Variants in KIRREL3 observed in about 807,000 individuals in gnomAD.
The protein encoded by KIRREL3 is kin of IRRE-like protein 3.
KIRREL3 carries 36 observed loss-of-function variants against 89.7 expected under a neutral mutation model. That is an observed-to-expected ratio of 0.40 (90% CI 0.31 to 0.53). KIRREL3 has a LOEUF of 0.53. KIRREL3 is among the 20% of genes least tolerant of loss of function. The pLI, the probability that KIRREL3 is intolerant of heterozygous loss-of-function variation, is 0.49. For missense variants in KIRREL3, 864 were observed against 1,056.6 expected, an observed-to-expected ratio of 0.82 and a Z score of 2.53; for synonymous variants, 445 against 441.4, an observed-to-expected ratio of 1.01 and a Z score of -0.10.
At chr11:126,868,737 G>T (rs1201359201) in intron 1 of KIRREL3, among the ~76,000 whole-genome samples, 16 of 152,058 alleles carry the variant, frequency 1.1e-4, no homozygotes, top group Admixed American at 9.8e-4. Flanking sequence ...CTGGCAGTCT[G>T]CTTGGGGCTG....
rs1431346870 is a variant in KIRREL3 at position 126,485,524 on chromosome 11, T to C, written c.434-12058A>G. ...GATGATGTTAATGTCATAGATATTATAGTAGCTGTTGTACAGGGCTGGTGT... is the reference window on the plus strand; with the variant it reads ...GATGATGTTAATGTCATAGATATTACAGTAGCTGTTGTACAGGGCTGGTGT... On this transcript the variant is annotated intron_variant, in intron 4 of 16. Coordinates refer to ENST00000525144, the MANE Select transcript of KIRREL3 (RefSeq NM_032531.4). The surrounding 1 kb of genome is among the most constrained non-coding windows in gnomAD (Gnocchi z 5.8). Among the ~76,000 whole-genome samples, 1 of 152,248 alleles carries C rather than the reference T, an allele frequency of 6.6e-6. No homozygotes were observed. Among genetic ancestry groups the C allele is most frequent in the Admixed American group, 6.5e-5 (1 of 15,290 alleles).
rs1049009468 is a variant in KIRREL3 at position 126,425,521 on chromosome 11, C to T, written c.1893+117G>A. 6.5e-6 allele frequency: 6 copies of T among 922,922 alleles called. No individual in the cohort carries two copies. The African/African-American group carries it at 8.2e-5, about 13-fold the overall frequency. The allele number at this position is 922,922 out of a possible 1,614,324, so 57.2% of individuals were successfully genotyped here. A position where few individuals can be genotyped will look rare whatever the true frequency, so the allele number is the denominator to read the frequency against. On this transcript the variant is annotated intron_variant, in intron 16 of 16. Transcript: ENST00000525144. ...GGACGGGCACCTGCCACCAAGCTGG[C>T]CTCTGACCTTTTCTTCTCTGACTTG...
chr11:126,895,200 C>CA (rs1439899898), intron 1 of KIRREL3, among the ~76,000 whole-genome samples: 2 of 152,058 alleles, frequency 1.3e-5, no homozygotes, highest in African/African-American at 4.8e-5. Flanking sequence ...CAGTGGCTCA[C>CA]ACCTGTAACC....
chr11:126,746,682 T>A (rs1290191122), intron 1 of KIRREL3, among the ~76,000 whole-genome samples: 6 of 152,126 alleles, frequency 3.9e-5, no homozygotes, highest in Non-Finnish European at 8.8e-5. Flanking sequence ...ATCAGGTGTA[T>A]CTCTATGAAA....
At chr11:126,731,852 T>C (rs1158962499) in intron 1 of KIRREL3, among the ~76,000 whole-genome samples, 1 of 152,246 alleles carries the variant, frequency 6.6e-6, no homozygotes, top group East Asian at 1.9e-4. Context: ...CCCCAGCATA[T>C]GCTGGATCAA....
At position 126,476,714 on chromosome 11, in the gene KIRREL3, G is replaced by T. The variant is rs1245399595; in HGVS notation, c.434-3248C>A. 6.6e-6 allele frequency among the ~76,000 whole-genome samples: 1 copy of T among 152,124 alleles called. No individual in the cohort carries two copies. Among genetic ancestry groups the T allele is most frequent in the Non-Finnish European group, 1.5e-5 (1 of 68,016 alleles). On this transcript the variant is annotated intron_variant, in intron 4 of 16. Transcript: ENST00000525144. The surrounding 1 kb of genome is among the most constrained non-coding windows in gnomAD (Gnocchi z 6.4). ...ATGGAGGATGTTTGGGGGCCAGCAG[G>T]CTGAAGAGAAATCAGCAGTCGCTCT...
rs2135253650 is a variant in KIRREL3, at chr11:126,983,389, G to C, written c.55+17066C>G. Among the ~76,000 whole-genome samples the C allele has an allele frequency of 6.6e-6, 1 of 152,336 alleles. No individual in the cohort carries two copies. Among genetic ancestry groups the C allele is most frequent in the East Asian group, 1.9e-4 (1 of 5,184 alleles). ...CTGCCTTTGGTTCTTGCGGTAGACA[G>C]AATAATGGCCGCCAAAGATGCCCAT... On this transcript the variant is annotated intron_variant, in intron 1 of 16. Coordinates refer to ENST00000525144, the MANE Select transcript of KIRREL3 (RefSeq NM_032531.4). The surrounding 1 kb of genome is among the most constrained non-coding windows in gnomAD (Gnocchi z 4.9).
chr11:126,980,706 A>C (rs986260660), intron 1 of KIRREL3, among the ~76,000 whole-genome samples: 1 of 152,190 alleles, frequency 6.6e-6, no homozygotes, highest in Non-Finnish European at 1.5e-5. Context: ...GAGGCTGGTG[A>C]CTTGGCATCC....
At chr11:126,951,706 T>G (rs895607360) in intron 1 of KIRREL3, among the ~76,000 whole-genome samples, 5 of 152,236 alleles carry the variant, frequency 3.3e-5, no homozygotes, top group Non-Finnish European at 5.9e-5. Context: ...CGAAGACAGC[T>G]GTGGCAATCA....
rs1203766604 is a variant in KIRREL3 at position 126,576,271 on chromosome 11, A to T, written c.56-13359T>A. 6.6e-6 allele frequency among the ~76,000 whole-genome samples: 1 copy of T among 152,194 alleles called. No homozygotes were observed. The highest frequency in any genetic ancestry group is 1.5e-5 in the Non-Finnish European group (1 of 68,038). On this transcript the variant is annotated intron_variant, in intron 1 of 16. Transcript: ENST00000525144. The surrounding 1 kb of genome is among the most constrained non-coding windows in gnomAD (Gnocchi z 5.4). ...TTGTCCTTCCTTTTACAGAACTATA[A>T]GTCAGCCTCAGGTATGGGTCAGCTT...
intron 1 of KIRREL3, among the ~76,000 whole-genome samples, chr11:126,760,878 T>A (rs1190056129): frequency 6.6e-6 from 1 of 152,176 alleles, no homozygotes; most frequent in Non-Finnish European, 1.5e-5. Flanking sequence ...GAAAAACACT[T>A]TATAGGCTGG....
In KIRREL3 at chr11:126,666,291, C is replaced by G. The variant is rs1945660645; in HGVS notation, c.56-103379G>C. Among the ~76,000 whole-genome samples the G allele has an allele frequency of 6.6e-6, 1 of 152,210 alleles. No homozygotes were observed. Among genetic ancestry groups the G allele is most frequent in the Non-Finnish European group, 1.5e-5 (1 of 68,046 alleles). On this transcript the variant is annotated intron_variant, in intron 1 of 16. Transcript: ENST00000525144. The surrounding 1 kb of genome is among the most constrained non-coding windows in gnomAD (Gnocchi z 4.2). The stretch of plus-strand genomic sequence containing the variant: ...TAATGGACAGCCTTGGGTTTTACCT[C>G]CTGTCCAGGCACCCGTTCCTCTTTC...
Position 126,704,559 on chromosome 11 carries a change from T to A in KIRREL3, c.56-141647A>T, listed in dbSNP as rs566880173. Among the ~76,000 whole-genome samples the A allele has an allele frequency of 2.0e-5, 3 of 152,278 alleles. No homozygotes were observed. The South Asian group carries it at 6.2e-4, about 32-fold the overall frequency. ...GCTTTTTCTCTAAAAGGCTGCCCTA[T>A]TTGTGTTGTGTGTCCCTGTACACGT... On this transcript the variant is annotated intron_variant, in intron 1 of 16. Transcript: ENST00000525144. The surrounding 1 kb of genome is among the most constrained non-coding windows in gnomAD (Gnocchi z 4.2).
At chr11:126,667,091 A>T (rs947224379) in intron 1 of KIRREL3, among the ~76,000 whole-genome samples, 1 of 152,224 alleles carries the variant, frequency 6.6e-6, no homozygotes, top group Non-Finnish European at 1.5e-5. Flanking sequence ...AAAACAAAGG[A>T]AAAAAGCTCC....
rs1238324636 is a variant in KIRREL3, at chr11:126,931,216, T to A, written c.55+69239A>T. Among the ~76,000 whole-genome samples, 1 of 151,872 alleles carries A rather than the reference T, an allele frequency of 6.6e-6. No individual in the cohort carries two copies. Among genetic ancestry groups the A allele is most frequent in the African/African-American group, 2.4e-5 (1 of 41,418 alleles). The stretch of plus-strand genomic sequence containing the variant: ...GGAAAGTCCTGTTTCTTGGACACTG[T>A]TGTTTCTTGGACACTGTTGTTATCT... On this transcript the variant is annotated intron_variant, in intron 1 of 16. Transcript: ENST00000525144. This position sits in a 1 kb window ranked among gnomAD's most constrained non-coding sequence, Gnocchi z 5.1.
intron 1 of KIRREL3, among the ~76,000 whole-genome samples, chr11:126,923,961 G>A (rs902334596): frequency 6.6e-6 from 1 of 152,188 alleles, no homozygotes; most frequent in Non-Finnish European, 1.5e-5. Context: ...TGATCCTGAT[G>A]TGGCTCACCC....
chr11:126,962,880 T>G (rs967944667), intron 1 of KIRREL3, among the ~76,000 whole-genome samples: 1 of 152,188 alleles, frequency 6.6e-6, no homozygotes, highest in Non-Finnish European at 1.5e-5. Context: ...AGCAAAGAGA[T>G]TATAACTCGT....
At chr11:126,785,053 C>T (rs751315685) in intron 1 of KIRREL3, among the ~76,000 whole-genome samples, 1 of 152,080 alleles carries the variant, frequency 6.6e-6, no homozygotes, top group Non-Finnish European at 1.5e-5. Flanking sequence ...GAGAAAGTGT[C>T]CTCAAATCAC....
At chr11:126,559,739 G>T (rs1281926993) in intron 2 of KIRREL3, among the ~76,000 whole-genome samples, 1 of 152,068 alleles carries the variant, frequency 6.6e-6, no homozygotes, top group Non-Finnish European at 1.5e-5. Flanking sequence ...GCAGGATCTT[G>T]GCTCACTGCA....
Sources: gnomAD v4.1 joint callset for allele counts (sites outside exome capture counted in the v4.1 genomes callset) on GRCh38, gnomAD v4.1.1 for gene constraint, Gnocchi (gnomAD v3.1) non-coding constraint, MANE v1.5 for transcripts, NCBI Gene and HGNC (gene_info 2026-07-23, HGNC 2026-07-21) for gene names.